The following CNTN6 variants were observed in gnomAD, a reference collection of about 807,000 sequenced individuals.
CNTN6 encodes contactin 6.
In CNTN6, 137 loss-of-function variants were observed where a neutral mutation model predicts 122.8. The observed-to-expected ratio is 1.12, with a 90% CI of 0.97 to 1.29. The LOEUF (loss-of-function observed/expected upper bound fraction) is 1.29. CNTN6 is among the 50% of genes most tolerant of loss of function. The probability of loss-of-function intolerance (pLI) is 0.00; values close to 1 mark genes in which losing one functional copy is unlikely to be tolerated. For missense variants in CNTN6, 1,634 were observed against 1,223.4 expected, an observed-to-expected ratio of 1.34 and a Z score of -5.01; for synonymous variants, 570 against 426.0, an observed-to-expected ratio of 1.34 and a Z score of -4.16.
chr3:1,150,524 T>C (rs57082566), intron 2 of CNTN6, among the ~76,000 whole-genome samples: 3,207 of 152,306 alleles, frequency 0.021, 125 homozygotes, highest in African/African-American at 0.073. Flanking sequence ...TGAAACTTAA[T>C]CCATACAGTC....
At chr3:1,171,301 T>C (rs1237058148) in intron 2 of CNTN6, among the ~76,000 whole-genome samples, 1 of 152,212 alleles carries the variant, frequency 6.6e-6, no homozygotes, top group Non-Finnish European at 1.5e-5. Context: ...ATAATATGTG[T>C]AGGTTCCAGA....
At chr3:1,202,543 A>AAAATAAAT (rs201394766) in intron 2 of CNTN6, among the ~76,000 whole-genome samples, 2,079 of 126,526 alleles carry the variant, frequency 0.016, 25 homozygotes, top group Non-Finnish European at 0.026. Flanking sequence ...TCCGTCTCAA[A>AAAATAAAT]AAATAAATAA....
intron 9 of CNTN6, among the ~76,000 whole-genome samples, chr3:1,326,474 C>T (rs538663442): frequency 6.6e-6 from 1 of 151,840 alleles, no homozygotes; most frequent in South Asian, 2.1e-4. Context: ...GATATCAGGA[C>T]CCAATCTCTT....
intron 2 of CNTN6, among the ~76,000 whole-genome samples, chr3:1,204,940 C>T (rs1293489852): frequency 6.6e-6 from 1 of 151,788 alleles, no homozygotes; most frequent in Admixed American, 6.6e-5. Context: ...TGTTAGATTA[C>T]AAGACAAAGG....
intron 1 of CNTN6, among the ~76,000 whole-genome samples, chr3:1,102,361 A>G (rs1473456104): frequency 1.3e-5 from 2 of 152,216 alleles, no homozygotes; most frequent in Non-Finnish European, 2.9e-5. Flanking sequence ...CCCAATCACT[A>G]AAGCACAGTA....
intron 2 of CNTN6, among the ~76,000 whole-genome samples, chr3:1,215,966 A>G (rs990360897): frequency 1.3e-5 from 2 of 152,146 alleles, no homozygotes; most frequent in African/African-American, 4.8e-5. Flanking sequence ...GCTTCTCTCT[A>G]TCCTAAGATT....
At chr3:1,230,377 T>C (rs990925482) in intron 4 of CNTN6, among the ~76,000 whole-genome samples, 1 of 152,022 alleles carries the variant, frequency 6.6e-6, no homozygotes, top group South Asian at 2.1e-4. Flanking sequence ...AAAATGAAGG[T>C]CAAGTCCCTG....
chr3:1,317,040 T>C (rs1178559573), intron 7 of CNTN6, among the ~76,000 whole-genome samples: 3 of 151,970 alleles, frequency 2.0e-5, no homozygotes, highest in Non-Finnish European at 4.4e-5. Flanking sequence ...AAGAGGAACA[T>C]GGCATTCAGA....
intron 2 of CNTN6, among the ~76,000 whole-genome samples, chr3:1,208,748 A>C (rs557723899): frequency 2.0e-5 from 3 of 152,272 alleles, no homozygotes; most frequent in African/African-American, 7.2e-5. Flanking sequence ...TTAAAATGGA[A>C]ATATTAAAAT....
chr3:1,144,837 C>G (rs950554116), intron 1 of CNTN6, among the ~76,000 whole-genome samples: 1 of 152,060 alleles, frequency 6.6e-6, no homozygotes, highest in Non-Finnish European at 1.5e-5. Context: ...CCAAATGAGG[C>G]AAAGGGCACA....
chr3:1,351,302 G>A (rs971723895), intron 11 of CNTN6, among the ~76,000 whole-genome samples: 5 of 151,916 alleles, frequency 3.3e-5, no homozygotes, highest in African/African-American at 1.2e-4. Context: ...TTTTGTTATT[G>A]TTAATGGATA....
chr3:1,292,719 T>C (rs1695531086), intron 5 of CNTN6, among the ~76,000 whole-genome samples: 1 of 152,186 alleles, frequency 6.6e-6, no homozygotes, highest in South Asian at 2.1e-4. Context: ...TTTCTGACAC[T>C]CTTCTTATCC....
At chr3:1,300,601 GAAAGAGAGAA>G (rs1559756368) in intron 7 of CNTN6, among the ~76,000 whole-genome samples, 3 of 118,552 alleles carry the variant, frequency 2.5e-5, no homozygotes, top group African/African-American at 1.7e-4. Context: ...AAGAAAGAAA[GAAAGAGAGAA>G]AGAAAGGAAG....
intron 1 of CNTN6, among the ~76,000 whole-genome samples, chr3:1,126,538 T>C (rs1477545735): frequency 6.6e-6 from 1 of 151,906 alleles, no homozygotes; most frequent in Non-Finnish European, 1.5e-5. Flanking sequence ...TCTTTGTTAA[T>C]TGTAACTCTG....
intron 4 of CNTN6, among the ~76,000 whole-genome samples, chr3:1,266,457 T>TTA (rs2094927681): frequency 6.6e-6 from 1 of 152,180 alleles, no homozygotes; most frequent in Non-Finnish European, 1.5e-5. Flanking sequence ...AACTCAGAGC[T>TTA]TATGTCCATG....
Position 1,259,847 on chromosome 3 carries a change from G to A in CNTN6, c.359-18566G>A, listed in dbSNP as rs553881596. ...TAATAATATTTGCAGTATACTATAT[G>A]TAATTATATACATACACACACATAC... On this transcript the variant is annotated intron_variant, in intron 4 of 22. Transcript: ENST00000446702. 9.9e-5 allele frequency among the ~76,000 whole-genome samples: 15 copies of A among 152,068 alleles called. No homozygotes were observed. In the South Asian group the frequency reaches 3.1e-3, roughly 32 times the overall value.
intron 7 of CNTN6, among the ~76,000 whole-genome samples, chr3:1,309,758 C>T (rs1466138894): frequency 6.6e-6 from 1 of 152,140 alleles, no homozygotes; most frequent in Non-Finnish European, 1.5e-5. Context: ...TCTTTTCATC[C>T]ATGAACACAG....
chr3:1,384,411 A>T (rs1374163422), intron 19 of CNTN6, among the ~76,000 whole-genome samples: 1 of 142,114 alleles, frequency 7.0e-6, no homozygotes, highest in Non-Finnish European at 1.5e-5. Flanking sequence ...ATCATCTCAG[A>T]AAAGGCAGTT....
chr3:1,096,206 G>A (rs1178929265), intron 1 of CNTN6, among the ~76,000 whole-genome samples: 1 of 152,014 alleles, frequency 6.6e-6, no homozygotes, highest in African/African-American at 2.4e-5. Flanking sequence ...TTCCGTCATT[G>A]AATGTGACTT....
Sources: gnomAD v4.1 joint callset for allele counts (sites outside exome capture counted in the v4.1 genomes callset) on GRCh38, gnomAD v4.1.1 for gene constraint, MANE v1.5 for transcripts, NCBI Gene and HGNC (gene_info 2026-07-23, HGNC 2026-07-21) for gene names.